The following DTNBP1 variants were observed in gnomAD, a reference collection of about 807,000 sequenced individuals.
DTNBP1 encodes the protein dystrobrevin binding protein 1.
In DTNBP1, 35 loss-of-function variants were observed where a neutral mutation model predicts 42.8. The ratio of observed to expected loss-of-function variants is 0.82; its 90% confidence interval spans 0.63 to 1.09. DTNBP1 has a LOEUF of 1.09. Ranked by LOEUF, DTNBP1 falls within the 50% of genes least tolerant of loss-of-function variation. The pLI, the probability that DTNBP1 is intolerant of heterozygous loss-of-function variation, is 0.00. For synonymous variants in DTNBP1, 171 were observed against 162.2 expected, an observed-to-expected ratio of 1.05 and a Z score of -0.41; for missense variants, 457 against 424.2, an observed-to-expected ratio of 1.08 and a Z score of -0.68.
intron 7 of DTNBP1, among the ~76,000 whole-genome samples, chr6:15,569,793 TA>T (rs920283499): frequency 5.3e-5 from 8 of 152,178 alleles, no homozygotes; most frequent in African/African-American, 1.7e-4. Flanking sequence ...TCGTTACTCA[TA>T]TTGGTTCTCT....
intron 1 of DTNBP1, among the ~76,000 whole-genome samples, chr6:15,653,895 A>T (rs1412815170): frequency 2.1e-5 from 3 of 143,022 alleles, no homozygotes; most frequent in Non-Finnish European, 4.5e-5. Flanking sequence ...TGACTCTTGC[A>T]TGAATGCCTC....
In DTNBP1 at chr6:15,615,268, T is replaced by G. The variant is rs146546977; in HGVS notation, c.487A>C (p.Arg163=). ...CTGTGGCAAACTTTTCAAACTCACC[T>G]CTTATTTTTCTTGTAATTCTCCAGT... ...QQLENYKKNK[R]KELETFKAEL... is the part of the protein sequence containing the mutation. The change falls in exon 6 of 10, where the codon AGG becomes CGG. Residue 163 remains arginine (R), a splice_region_variant and synonymous_variant. Coordinates refer to ENST00000344537, the MANE Select transcript of DTNBP1 (RefSeq NM_032122.5). 395 of 1,614,172 alleles carry G rather than the reference T, an allele frequency of 2.4e-4. 1 individual carries two copies. Among genetic ancestry groups the G allele is most frequent in the African/African-American group, 1.7e-3 (130 of 75,064 alleles).
intron 5 of DTNBP1, among the ~76,000 whole-genome samples, chr6:15,625,814 A>G (rs1467319771): frequency 6.6e-6 from 1 of 152,258 alleles, no homozygotes; most frequent in Non-Finnish European, 1.5e-5. Context: ...TCAAAGAGAT[A>G]CAGGAAGATG....
chr6:15,649,135 G>A (rs939477690), intron 3 of DTNBP1, among the ~76,000 whole-genome samples: 15 of 151,980 alleles, frequency 9.9e-5, no homozygotes, highest in Admixed American at 5.2e-4. Flanking sequence ...CAGAATTACC[G>A]TATGATCCAG....
chr6:15,613,404 T>C (rs1758541901), intron 6 of DTNBP1, among the ~76,000 whole-genome samples: 1 of 133,084 alleles, frequency 7.5e-6, no homozygotes, highest in Non-Finnish European at 1.6e-5. Flanking sequence ...TCTTGCTCTG[T>C]TGCCCAGGAT....
intron 8 of DTNBP1, among the ~76,000 whole-genome samples, chr6:15,528,078 T>TA (rs1360111419): frequency 6.6e-6 from 1 of 152,148 alleles, no homozygotes; most frequent in African/African-American, 2.4e-5. Context: ...TGCAGAAACT[T>TA]ACTGCAATTC....
At chr6:15,650,368 G>A (rs564216515) in intron 3 of DTNBP1, among the ~76,000 whole-genome samples, 71 of 151,546 alleles carry the variant, frequency 4.7e-4, no homozygotes, top group African/African-American at 1.5e-3. Context: ...TGCCGAGATC[G>A]CACCATTGCA....
At chr6:15,523,694 AG>A (rs1406667398) in intron 9 of DTNBP1, 2 of 1,287,186 alleles carry the variant, frequency 1.6e-6, no homozygotes, top group South Asian at 2.5e-5. Context: ...TTCTATATGC[AG>A]GTGTCACTGT....
intron 6 of DTNBP1, among the ~76,000 whole-genome samples, chr6:15,614,837 A>C (rs1758624540): frequency 6.6e-6 from 1 of 152,214 alleles, no homozygotes; most frequent in South Asian, 2.1e-4. Context: ...TAAGGTCTCA[A>C]AGGTAGTGTG....
At chr6:15,644,930 A>G (rs1760585320) in intron 3 of DTNBP1, among the ~76,000 whole-genome samples, 1 of 152,092 alleles carries the variant, frequency 6.6e-6, no homozygotes, top group Admixed American at 6.6e-5. Context: ...TTATGATCAG[A>G]GCAGAACTAA....
chr6:15,589,889 T>C (rs928424656), intron 7 of DTNBP1, among the ~76,000 whole-genome samples: 4 of 152,218 alleles, frequency 2.6e-5, no homozygotes, highest in Admixed American at 6.5e-5. Flanking sequence ...CCATTCATGA[T>C]TGAATAGTTA....
At chr6:15,524,454 C>T in intron 9 of DTNBP1, 72 bp downstream of exon 9, 1 of 1,614,032 alleles carries the variant, frequency 6.2e-7, no homozygotes, top group Non-Finnish European at 8.5e-7. Flanking sequence ...AGATGGTTCT[C>T]ACGTCTCACC....
chr6:15,612,342 A>G (rs890507340), intron 6 of DTNBP1, among the ~76,000 whole-genome samples: 1 of 152,230 alleles, frequency 6.6e-6, no homozygotes, highest in African/African-American at 2.4e-5. Flanking sequence ...TAATTTTTAT[A>G]TGCACTAGGA....
chr6:15,584,900 C>A (rs902347126), intron 7 of DTNBP1, among the ~76,000 whole-genome samples: 2 of 148,320 alleles, frequency 1.3e-5, no homozygotes, highest in African/African-American at 4.9e-5. Flanking sequence ...ACAAAAAATG[C>A]ACAGTTAATT....
At chr6:15,596,983 C>T (rs976490657) in intron 6 of DTNBP1, among the ~76,000 whole-genome samples, 2 of 152,162 alleles carry the variant, frequency 1.3e-5, no homozygotes, top group Admixed American at 1.3e-4. Context: ...TTCTCTCCAT[C>T]GTCACTGCCA....
intron 7 of DTNBP1, among the ~76,000 whole-genome samples, chr6:15,535,379 C>T (rs1378130541): frequency 3.3e-5 from 5 of 152,162 alleles, no homozygotes; most frequent in South Asian, 2.1e-4. Context: ...GACAGTGGTG[C>T]GATCTCAGTT....
At chr6:15,634,456 A>G (rs997820321) in intron 4 of DTNBP1, among the ~76,000 whole-genome samples, 1 of 152,120 alleles carries the variant, frequency 6.6e-6, no homozygotes, top group Admixed American at 6.6e-5. Flanking sequence ...AGCTGGAATT[A>G]CAGGTGCCTG....
chr6:15,599,021 A>G (rs1331749891), intron 6 of DTNBP1, among the ~76,000 whole-genome samples: 2 of 152,184 alleles, frequency 1.3e-5, no homozygotes, highest in African/African-American at 4.8e-5. Flanking sequence ...ATGGTAACAA[A>G]GCCTGGAATT....
intron 3 of DTNBP1, among the ~76,000 whole-genome samples, chr6:15,642,670 AAGC>A (rs1760445866): frequency 6.6e-6 from 1 of 152,222 alleles, no homozygotes; most frequent in South Asian, 2.1e-4. Flanking sequence ...TCACTACAGT[AAGC>A]AGCATCTGAG....
Sources: gnomAD v4.1 joint callset for allele counts (sites outside exome capture counted in the v4.1 genomes callset) on GRCh38, gnomAD v4.1.1 for gene constraint, MANE v1.5 for transcripts, NCBI Gene and HGNC (gene_info 2026-07-23, HGNC 2026-07-21) for gene names.